SRSF12: variants seen among roughly 807,000 people sequenced by gnomAD.
The protein encoded by SRSF12 is serine and arginine rich splicing factor 12, also known as serine/arginine-rich splicing factor 12.
A neutral mutation model predicts 34.1 loss-of-function variants in SRSF12; 21 were observed. That is an observed-to-expected ratio of 0.62 (90% CI 0.44 to 0.89). The LOEUF is 0.89. Among genes scored for constraint, SRSF12 ranks in the 40% least tolerant of loss-of-function variants. The pLI, the probability that SRSF12 is intolerant of heterozygous loss-of-function variation, is 0.00. For missense variants in SRSF12, 278 were observed against 327.8 expected (o/e 0.85, Z 1.17); for synonymous variants, 111 against 110.8 (o/e 1.00, Z -0.01).
intron 4 of SRSF12, among the ~76,000 whole-genome samples, chr6:89,104,154 T>C (rs2127991978): frequency 6.6e-6 from 1 of 151,868 alleles, no homozygotes. Flanking sequence ...CATTTAAACA[T>C]TTTTAAAGTT....
At chr6:89,108,755 A>G (rs1422045360) in intron 1 of SRSF12, among the ~76,000 whole-genome samples, 1 of 152,254 alleles carries the variant, frequency 6.6e-6, no homozygotes, top group Non-Finnish European at 1.5e-5. Context: ...CACTGATAAG[A>G]GTTCTATAAG....
intron 4 of SRSF12, among the ~76,000 whole-genome samples, chr6:89,101,109 C>CAAAAAAAAAAA (rs764910655): frequency 5.5e-5 from 3 of 54,556 alleles, no homozygotes; most frequent in East Asian, 5.8e-4. Context: ...ACCTCCAAGA[C>CAAAAAAAAAAA]AAAAAAAAAA....
rs550398945 is a variant in SRSF12 at position 89,108,576 on chromosome 6, C to A, written c.66-1318G>T. ...CAAGCTATGATCATAAAATGTGGCT[C>A]GGGAGAAATAAAGATTCAAAGATGA... On this transcript the variant is annotated intron_variant, in intron 1 of 4. Coordinates refer to ENST00000452027, the MANE Select transcript of SRSF12 (RefSeq NM_080743.5). Among the ~76,000 whole-genome samples the A allele has an allele frequency of 3.9e-5, 6 of 151,926 alleles. No individual in the cohort carries two copies. In the South Asian group the frequency reaches 6.2e-4, roughly 16 times the overall value.
At position 89,105,156 on chromosome 6, in the gene SRSF12, A is replaced by G. The variant is rs1206331917; in HGVS notation, c.379T>C (p.Trp127Arg). Reference protein sequence around the residue: ...QRRTRSRSSSWGRNRRRSDSL... With the variant: ...QRRTRSRSSSRGRNRRRSDSL... ...TCTGACCGCCTCCTATTTCTTCCCC[A>G]TGAAGAACTTCTACTTCGAGTTCTT... The change falls in exon 4 of 5, where the codon TGG (tryptophan) becomes CGG (arginine). Residue 127 changes from tryptophan to arginine, a missense_variant. By Grantham distance (101) the Trp-to-Arg change is moderately radical. Transcript: ENST00000452027. 3.1e-6 allele frequency: 5 copies of G among 1,612,652 alleles called. No homozygotes were observed. Among genetic ancestry groups the G allele is most frequent in the African/African-American group, 1.3e-5 (1 of 74,890 alleles).
At chr6:89,109,758 A>T (rs188884288) in intron 1 of SRSF12, among the ~76,000 whole-genome samples, 276 of 152,322 alleles carry the variant, frequency 1.8e-3, no homozygotes, top group Non-Finnish European at 3.5e-3. Context: ...ATATTCAAAA[A>T]AGTACAGAGA....
Position 89,098,893 on chromosome 6 carries a change from TA to T in SRSF12, c.470del (p.Leu157TyrfsTer36). The T allele has an allele frequency of 1.2e-6, 2 of 1,613,982 alleles. No individual in the cohort carries two copies. Among genetic ancestry groups the T allele is most frequent in the Non-Finnish European group, 1.7e-6 (2 of 1,179,886 alleles). On this transcript the variant is annotated frameshift_variant, in exon 5 of 5. Coordinates refer to ENST00000452027, the MANE Select transcript of SRSF12 (RefSeq NM_080743.5). LOFTEE classifies it high-confidence loss of function. ...YSQSKSRSKSLPRRSTSARQS... is the reference protein window; with the variant it reads ...YSQSKSRSKSXPRRSTSARQS... The stretch of plus-strand genomic sequence containing the variant: ...GCCTTGCTGAGGTAGACCGCCTTGG[TA>T]ATGATTTGGAACGAGATTTAGACTG...
intron 1 of SRSF12, among the ~76,000 whole-genome samples, chr6:89,111,242 G>A (rs951159285): frequency 6.6e-6 from 1 of 152,210 alleles, no homozygotes; most frequent in Middle Eastern, 3.4e-3. Context: ...CCAAGTAGCT[G>A]GGATTACAGG....
chr6:89,112,679 T>C (rs189163322), intron 1 of SRSF12, among the ~76,000 whole-genome samples: 28 of 152,178 alleles, frequency 1.8e-4, no homozygotes, highest in Admixed American at 5.9e-4. Flanking sequence ...CCCAAAGCAC[T>C]GGGATTACAA....
chr6:89,096,181 G>T lies in SRSF12; in HGVS notation c.*2397C>A, dbSNP rs540470568. ...TATTCTCTCATTTCTTTCTAAACAT[G>T]ATTTTAATAAAGCATATACCTGTCA... On this transcript the variant is annotated 3_prime_UTR_variant, in exon 5 of 5. Transcript: ENST00000452027. 1 of 152,162 alleles carries T rather than the reference G, an allele frequency of 6.6e-6. No individual in the cohort carries two copies. The highest frequency in any genetic ancestry group is 2.1e-4 in the South Asian group (1 of 4,814). 9.4% of individuals were successfully genotyped at this position (152,162 alleles called of 1,614,324 possible).
intron 1 of SRSF12, among the ~76,000 whole-genome samples, chr6:89,115,847 G>T (rs1769272448): frequency 6.6e-6 from 1 of 150,486 alleles, no homozygotes; most frequent in African/African-American, 2.4e-5. Flanking sequence ...GTGCTAGCCA[G>T]GATGGTTTCC....
rs752858909 is a variant in SRSF12, at chr6:89,098,395, G to A, written c.*183C>T. 89 of 637,282 alleles carry A rather than the reference G, an allele frequency of 1.4e-4. No homozygotes were observed. Among genetic ancestry groups the A allele is most frequent in the Non-Finnish European group, 2.1e-4 (87 of 408,146 alleles). 39.5% of individuals were successfully genotyped at this position (637,282 alleles called of 1,614,324 possible). A position where few individuals can be genotyped will look rare whatever the true frequency, so the allele number is the denominator to read the frequency against. On this transcript the variant is annotated 3_prime_UTR_variant, in exon 5 of 5. Coordinates refer to ENST00000452027, the MANE Select transcript of SRSF12 (RefSeq NM_080743.5). Reference sequence around the variant, plus strand: ...CATTAGACAAATCATAATTTGTAGTGTGGGCCCTTTAAATGGAGACCAAAT... The same window carrying A: ...CATTAGACAAATCATAATTTGTAGTATGGGCCCTTTAAATGGAGACCAAAT...
In SRSF12 at chr6:89,103,872, A is replaced by G. The variant is rs551790065; in HGVS notation, c.416+1247T>C. Among the ~76,000 whole-genome samples the G allele has an allele frequency of 2.0e-5, 3 of 152,186 alleles. No individual in the cohort carries two copies. In the South Asian group the frequency reaches 6.2e-4, roughly 32 times the overall value. ...TCCCCTGCCCCCAAATTACTATTTA[A>G]TATGTCTTCTTCAATACTGCCATAC... On this transcript the variant is annotated intron_variant, in intron 4 of 4. Coordinates refer to ENST00000452027, the MANE Select transcript of SRSF12 (RefSeq NM_080743.5).
rs1419800189 is a variant in SRSF12 at position 89,096,073 on chromosome 6, T to A, written c.*2505A>T. On this transcript the variant is annotated 3_prime_UTR_variant, in exon 5 of 5. Transcript: ENST00000452027. The stretch of plus-strand genomic sequence containing the variant: ...TATAGATATTCCCAGAAGACAATTT[T>A]CCAGGATACCCAGCCAAACAATTTT... 2 of 152,186 alleles carry A rather than the reference T, an allele frequency of 1.3e-5. No individual in the cohort carries two copies. The highest frequency in any genetic ancestry group is 4.8e-5 in the African/African-American group (2 of 41,436). 9.4% of individuals were successfully genotyped at this position (152,186 alleles called of 1,614,324 possible). A position where few individuals can be genotyped will look rare whatever the true frequency, so the allele number is the denominator to read the frequency against.
Position 89,098,705 on chromosome 6 carries a change from A to G in SRSF12, c.659T>C (p.Ile220Thr). The G allele has an allele frequency of 1.9e-6, 3 of 1,613,984 alleles. No individual in the cohort carries two copies. The highest frequency in any genetic ancestry group is 2.5e-6 in the Non-Finnish European group (3 of 1,179,888). Residue 220 changes from isoleucine (I) to threonine (T), a missense_variant, in exon 5 of 5, where the codon ATA becomes ACA. Ile to Thr is a moderately conservative substitution (Grantham distance 89). Coordinates refer to ENST00000452027, the MANE Select transcript of SRSF12 (RefSeq NM_080743.5). ...SRSHGRHSDS[I>T]ARSPCKSPKG... The stretch of plus-strand genomic sequence containing the variant: ...GGGAGATTTACACGGGGATCTTGCT[A>G]TTGAGTCAGAATGTCTTCCATGTGA...
intron 1 of SRSF12, among the ~76,000 whole-genome samples, chr6:89,110,996 C>T (rs1305601717): frequency 1.3e-5 from 2 of 152,076 alleles, no homozygotes; most frequent in Non-Finnish European, 2.9e-5. Flanking sequence ...TCTATAATCC[C>T]AGCTACTTAG....
chr6:89,102,971 C>G (rs1768606325), intron 4 of SRSF12, among the ~76,000 whole-genome samples: 2 of 152,106 alleles, frequency 1.3e-5, no homozygotes. Context: ...CACTATGTTG[C>G]CCAGGCTGGT....
chr6:89,097,940 T>C lies in SRSF12; in HGVS notation c.*638A>G, dbSNP rs1768335059. The C allele has an allele frequency of 6.6e-6, 1 of 152,204 alleles. No individual in the cohort carries two copies. The highest frequency in any genetic ancestry group is 1.5e-5 in the Non-Finnish European group (1 of 68,030). 9.4% of individuals were successfully genotyped at this position (152,204 alleles called of 1,614,324 possible). ...TTCTCAAAAGTTCTGATATTACTAA[T>C]GTGGTCATGGTGCAGGATGCAATTT... On this transcript the variant is annotated 3_prime_UTR_variant, in exon 5 of 5. Transcript: ENST00000452027.
intron 1 of SRSF12, among the ~76,000 whole-genome samples, chr6:89,110,078 A>C (rs1768974006): frequency 6.6e-6 from 1 of 151,128 alleles, no homozygotes; most frequent in Non-Finnish European, 1.5e-5. Context: ...GCAACAGAGC[A>C]AGACTCTGTC....
At chr6:89,116,007 C>T (rs930217510) in intron 1 of SRSF12, among the ~76,000 whole-genome samples, 2 of 152,210 alleles carry the variant, frequency 1.3e-5, no homozygotes, top group Non-Finnish European at 2.9e-5. Context: ...ATCCAGATTT[C>T]TGATTTCTCT....
Sources: gnomAD v4.1 joint callset for allele counts (sites outside exome capture counted in the v4.1 genomes callset) on GRCh38, gnomAD v4.1.1 for gene constraint, MANE v1.5 for transcripts, NCBI Gene and HGNC (gene_info 2026-07-23, HGNC 2026-07-21) for gene names.